Variants in CSMD1 observed in about 807,000 individuals in gnomAD.
CSMD1 encodes the protein CUB and sushi domain-containing protein 1.
CSMD1 carries 213 observed loss-of-function variants against 417.5 expected under a neutral mutation model. The observed-to-expected ratio is 0.51, with a 90% CI of 0.46 to 0.57. The LOEUF is 0.57. Ranked by LOEUF, CSMD1 falls within the 20% of genes least tolerant of loss-of-function variation. The pLI, the probability that CSMD1 is intolerant of heterozygous loss-of-function variation, is 0.00. For synonymous variants in CSMD1, 2,862 were observed against 1,736.8 expected, an observed-to-expected ratio of 1.65 and a Z score of -16.11; for missense variants, 6,923 against 4,529.7, an observed-to-expected ratio of 1.53 and a Z score of -15.17.
Position 3,951,294 on chromosome 8 carries a change from G to T in CSMD1, c.818+46609C>A, listed in dbSNP as rs546295197. ...CTCCTCAGCCCTGGCCCACCTTTGT[G>T]TCTTCCATGGCACCTTCTCCTCGTT... On this transcript the variant is annotated intron_variant, in intron 5 of 69. Transcript: ENST00000635120. Among the ~76,000 whole-genome samples the T allele has an allele frequency of 2.0e-5, 3 of 152,278 alleles. No individual in the cohort carries two copies. The East Asian group carries it at 5.8e-4, about 29-fold the overall frequency.
intron 11 of CSMD1, among the ~76,000 whole-genome samples, chr8:3,490,659 G>A (rs1373921733): frequency 6.6e-6 from 1 of 152,054 alleles, no homozygotes; most frequent in Non-Finnish European, 1.5e-5. Flanking sequence ...GAAGGAAAAT[G>A]ACTTCCCTCA....
chr8:4,470,171 C>G (rs749917469), intron 2 of CSMD1, among the ~76,000 whole-genome samples: 28 of 152,048 alleles, frequency 1.8e-4, no homozygotes, highest in Admixed American at 3.9e-4. Flanking sequence ...TTCATAACCT[C>G]ATCTATTCCT....
chr8:3,860,750 G>A (rs893120943), intron 5 of CSMD1, among the ~76,000 whole-genome samples: 20 of 152,052 alleles, frequency 1.3e-4, no homozygotes, highest in African/African-American at 4.3e-4. Flanking sequence ...TTTGAACCCA[G>A]GTAAGTTTGA....
intron 30 of CSMD1, among the ~76,000 whole-genome samples, chr8:3,209,739 G>A (rs2116785123): frequency 6.6e-6 from 1 of 152,220 alleles, no homozygotes; most frequent in Middle Eastern, 3.4e-3. Context: ...ATAAATAAAT[G>A]TTTGTTATTT....
At chr8:3,398,540 A>G (rs1392193684) in intron 16 of CSMD1, among the ~76,000 whole-genome samples, 1 of 152,204 alleles carries the variant, frequency 6.6e-6, no homozygotes, top group East Asian at 1.9e-4. Context: ...AGATAATAAT[A>G]CAATGAAGTT....
At chr8:4,696,025 T>G (rs536786020) in intron 1 of CSMD1, among the ~76,000 whole-genome samples, 1 of 152,182 alleles carries the variant, frequency 6.6e-6, no homozygotes, top group Non-Finnish European at 1.5e-5. Flanking sequence ...GTCAGGAGAC[T>G]TTGAGGAACT....
At chr8:2,949,268 T>C (rs1802457424) in intron 68 of CSMD1, 31 bp downstream of exon 68, 2 of 1,265,756 alleles carry the variant, frequency 1.6e-6, no homozygotes, top group African/African-American at 3.0e-5. Context: ...AACTGATATT[T>C]GCTTTAAAAT....
At chr8:3,423,467 A>G (rs1813624454) in intron 12 of CSMD1, among the ~76,000 whole-genome samples, 1 of 152,194 alleles carries the variant, frequency 6.6e-6, no homozygotes, top group African/African-American at 2.4e-5. Flanking sequence ...ACTGAGTGTA[A>G]TGATTCTGAG....
At chr8:4,244,649 A>T (rs1802594710) in intron 3 of CSMD1, among the ~76,000 whole-genome samples, 1 of 152,110 alleles carries the variant, frequency 6.6e-6, no homozygotes, top group South Asian at 2.1e-4. Context: ...AAACTGATCC[A>T]AGTTATTACA....
intron 3 of CSMD1, among the ~76,000 whole-genome samples, chr8:4,253,487 G>A (rs1803228225): frequency 6.6e-6 from 1 of 152,038 alleles, no homozygotes; most frequent in Non-Finnish European, 1.5e-5. Context: ...TTCTTACTAT[G>A]CACCAGACAC....
chr8:3,344,243 C>T (rs1490250277), intron 22 of CSMD1, among the ~76,000 whole-genome samples: 3 of 152,098 alleles, frequency 2.0e-5, no homozygotes, highest in Non-Finnish European at 4.4e-5. Context: ...GAATGAGGAT[C>T]GGGTAAAAGT....
chr8:4,330,336 T>C (rs2128890142), intron 3 of CSMD1, among the ~76,000 whole-genome samples: 1 of 152,250 alleles, frequency 6.6e-6, no homozygotes, highest in Admixed American at 6.5e-5. Flanking sequence ...GGCTCACACC[T>C]GTAATCCCAG....
intron 54 of CSMD1, among the ~76,000 whole-genome samples, chr8:2,996,469 T>C (rs1023833024): frequency 6.6e-6 from 1 of 152,186 alleles, no homozygotes; most frequent in Non-Finnish European, 1.5e-5. Context: ...CACACGATTG[T>C]GAGGAGCTGA....
chr8:4,290,727 CTT>C (rs1365204776), intron 3 of CSMD1, among the ~76,000 whole-genome samples: 1 of 152,182 alleles, frequency 6.6e-6, no homozygotes, highest in Non-Finnish European at 1.5e-5. Context: ...TGTTCATTAA[CTT>C]TATCTCCCTA....
intron 1 of CSMD1, among the ~76,000 whole-genome samples, chr8:4,782,749 G>C (rs182595679): frequency 6.6e-6 from 1 of 152,116 alleles, no homozygotes; most frequent in South Asian, 2.1e-4. Context: ...ATGAATTTTG[G>C]CTATATTATT....
At chr8:3,589,761 T>A (rs1800767628) in intron 8 of CSMD1, among the ~76,000 whole-genome samples, 1 of 152,162 alleles carries the variant, frequency 6.6e-6, no homozygotes, top group Non-Finnish European at 1.5e-5. Context: ...GTTGTCACCA[T>A]GAAAAATGAC....
At chr8:4,022,765 G>T (rs189329089) in intron 4 of CSMD1, among the ~76,000 whole-genome samples, 6 of 152,176 alleles carry the variant, frequency 3.9e-5, no homozygotes, top group South Asian at 2.1e-4. Context: ...TTGGGAATCA[G>T]AGAAAACAAT....
At chr8:4,328,811 A>G (rs1033562825) in intron 3 of CSMD1, among the ~76,000 whole-genome samples, 1 of 152,214 alleles carries the variant, frequency 6.6e-6, no homozygotes, top group Non-Finnish European at 1.5e-5. Flanking sequence ...ACTTCCAAAA[A>G]TAACACTGTG....
At chr8:3,130,701 A>G (rs1201927833) in intron 41 of CSMD1, among the ~76,000 whole-genome samples, 2 of 151,596 alleles carry the variant, frequency 1.3e-5, no homozygotes, top group African/African-American at 4.9e-5. Flanking sequence ...GTCTCCTTCC[A>G]GTCCTTCAAA....
Sources: allele counts gnomAD v4.1 joint callset (sites outside exome capture counted in the v4.1 genomes callset), GRCh38; gene constraint gnomAD v4.1.1; transcripts MANE v1.5; gene names NCBI Gene and HGNC (gene_info 2026-07-23, HGNC 2026-07-21).